The following DNAJC11 variants were observed in gnomAD, a reference collection of about 807,000 sequenced individuals.
The protein encoded by DNAJC11 is DnaJ heat shock protein family (Hsp40) member C11, also known as dnaJ homolog subfamily C member 11.
A neutral mutation model predicts 78.6 loss-of-function variants in DNAJC11; 15 were observed. The observed-to-expected ratio is 0.19, with a 90% CI of 0.13 to 0.29. The LOEUF (loss-of-function observed/expected upper bound fraction) is 0.29. Among genes scored for constraint, DNAJC11 ranks in the 10% least tolerant of loss-of-function variants. DNAJC11 has a pLI of 1.00. For synonymous variants in DNAJC11, 292 were observed against 272.1 expected, an observed-to-expected ratio of 1.07 and a Z score of -0.72; for missense variants, 547 against 709.6, an observed-to-expected ratio of 0.77 and a Z score of 2.60.
chr1:6,636,839 T>C (rs1054985273), intron 14 of DNAJC11, among the ~76,000 whole-genome samples: 3 of 152,166 alleles, frequency 2.0e-5, no homozygotes, highest in African/African-American at 4.8e-5. Context: ...GAACCTATTC[T>C]TCACACCACT....
chr1:6,666,677 T>C (rs929351891), intron 4 of DNAJC11, among the ~76,000 whole-genome samples: 1 of 152,140 alleles, frequency 6.6e-6, no homozygotes, highest in African/African-American at 2.4e-5. Flanking sequence ...GCTGGGATTA[T>C]AGGAGTGAGC....
At chr1:6,654,448 A>G (rs1223811009) in intron 4 of DNAJC11, among the ~76,000 whole-genome samples, 1 of 152,220 alleles carries the variant, frequency 6.6e-6, no homozygotes, top group East Asian at 1.9e-4. Context: ...TTATACCACA[A>G]AACTACCCTA....
intron 3 of DNAJC11, among the ~76,000 whole-genome samples, chr1:6,669,727 C>G (rs188159918): frequency 6.6e-6 from 1 of 151,760 alleles, no homozygotes; most frequent in South Asian, 2.1e-4. Context: ...AAATTGTGTG[C>G]ACCGGTGAGA....
intron 9 of DNAJC11, 64 bp downstream of exon 9, chr1:6,644,977 G>T: frequency 1.4e-6 from 2 of 1,459,910 alleles, no homozygotes; most frequent in South Asian, 1.1e-5. Context: ...ACACCAACTG[G>T]TTCCACTGTG....
intron 12 of DNAJC11, chr1:6,638,070 G>C (rs1284071986): frequency 1.1e-5 from 5 of 468,430 alleles, no homozygotes; most frequent in African/African-American, 9.9e-5. Flanking sequence ...AAGAAAAAGA[G>C]GCCAATACTC....
chr1:6,640,843 C>T (rs1011872338), intron 10 of DNAJC11, among the ~76,000 whole-genome samples: 9 of 151,978 alleles, frequency 5.9e-5, no homozygotes, highest in African/African-American at 9.7e-5. Flanking sequence ...CTCAGAAACC[C>T]GTGGAAGAGT....
intron 1 of DNAJC11, among the ~76,000 whole-genome samples, chr1:6,688,160 GA>G (rs535408015): frequency 7.9e-4 from 120 of 152,282 alleles, no homozygotes; most frequent in African/African-American, 2.7e-3. Flanking sequence ...CAGCGAAAGG[GA>G]AAAGCCATTG....
At chr1:6,669,100 T>C (rs1461744119) in intron 3 of DNAJC11, among the ~76,000 whole-genome samples, 2 of 148,626 alleles carry the variant, frequency 1.3e-5, no homozygotes, top group Non-Finnish European at 3.0e-5. Context: ...GGCAGGAAAA[T>C]TGCTTGAACC....
intron 7 of DNAJC11, among the ~76,000 whole-genome samples, chr1:6,647,506 T>C (rs1641983984): frequency 6.6e-6 from 1 of 152,104 alleles, no homozygotes; most frequent in African/African-American, 2.4e-5. Flanking sequence ...ATAACTAACC[T>C]GGCCACTATA....
intron 1 of DNAJC11, among the ~76,000 whole-genome samples, chr1:6,690,329 C>T (rs571654159): frequency 6.6e-6 from 1 of 152,296 alleles, no homozygotes; most frequent in South Asian, 2.1e-4. Context: ...GTCGCATATC[C>T]ACTGCTATGT....
rs761251027 is a variant in DNAJC11 at position 6,698,865 on chromosome 1, C to T, written c.72+2864G>A. Among the ~76,000 whole-genome samples the T allele has an allele frequency of 4.0e-5, 6 of 150,242 alleles. No individual in the cohort carries two copies. The East Asian group carries it at 1.2e-3, about 29-fold the overall frequency. On this transcript the variant is annotated intron_variant, in intron 1 of 15. Coordinates refer to ENST00000377577, the MANE Select transcript of DNAJC11 (RefSeq NM_018198.4). ...GCTGAGGTGGGAGGATCACCTGAGC[C>T]GGGGAAGGTCGAGGCTGCTATGAGC...
At chr1:6,642,258 C>T (rs539923671) in intron 10 of DNAJC11, among the ~76,000 whole-genome samples, 87 of 152,246 alleles carry the variant, frequency 5.7e-4, no homozygotes, top group African/African-American at 2.1e-3. Flanking sequence ...AGGTTTTAGG[C>T]AGAAGACAGA....
chr1:6,660,643 C>G (rs1242914925), intron 4 of DNAJC11, among the ~76,000 whole-genome samples: 1 of 152,208 alleles, frequency 6.6e-6, no homozygotes, highest in East Asian at 1.9e-4. Flanking sequence ...TTTTACCCAC[C>G]TCCAACCCAC....
At chr1:6,697,700 T>C (rs925362685) in intron 1 of DNAJC11, among the ~76,000 whole-genome samples, 1 of 152,196 alleles carries the variant, frequency 6.6e-6, no homozygotes, top group African/African-American at 2.4e-5. Context: ...TGCTCTAGAA[T>C]ACAAATTTAA....
Position 6,645,188 on chromosome 1 carries a change from T to TACCC in DNAJC11, c.895-63_895-62insGGGT. 1.5e-5 allele frequency: 19 copies of TACCC among 1,299,444 alleles called. No individual in the cohort carries two copies. The highest frequency in any genetic ancestry group is 1.8e-5 in the Non-Finnish European group (16 of 897,976). 80.5% of individuals were successfully genotyped at this position (1,299,444 alleles called of 1,614,324 possible). A position where few individuals can be genotyped will look rare whatever the true frequency, so the allele number is the denominator to read the frequency against. The stretch of plus-strand genomic sequence containing the variant: ...GCGTGTGACTCTGTGGGGAGATGGG[T>TACCC]ATCTGCCCTCCCACTAGCTCTGGGC... On this transcript the variant is annotated intron_variant, in intron 8 of 15. Coordinates refer to ENST00000377577, the MANE Select transcript of DNAJC11 (RefSeq NM_018198.4). The surrounding 1 kb of genome is among the most constrained non-coding windows in gnomAD (Gnocchi z 4.1).
chr1:6,668,016 T>C (rs1642318761), intron 3 of DNAJC11: 1 of 546,612 alleles, frequency 1.8e-6, no homozygotes, highest in South Asian at 2.7e-5. Flanking sequence ...CTCCTGGCCC[T>C]TCCCAAGGTT....
intron 3 of DNAJC11, chr1:6,670,617 G>T (rs1180907001): frequency 1.3e-5 from 2 of 152,136 alleles, no homozygotes; most frequent in East Asian, 1.9e-4. Context: ...CTAAAAAGGG[G>T]GAAGTGGTTC....
At chr1:6,662,953 G>A (rs1570286335) in intron 4 of DNAJC11, among the ~76,000 whole-genome samples, 1 of 152,098 alleles carries the variant, frequency 6.6e-6, no homozygotes, top group Non-Finnish European at 1.5e-5. Context: ...CACTCACCGC[G>A]AAGGTCCATG....
intron 3 of DNAJC11, among the ~76,000 whole-genome samples, chr1:6,669,231 C>T (rs975359836): frequency 6.6e-6 from 1 of 151,500 alleles, no homozygotes; most frequent in Non-Finnish European, 1.5e-5. Context: ...TATTCGAGGC[C>T]TAGCGCAGTG....
Sources: gnomAD v4.1 joint callset for allele counts (sites outside exome capture counted in the v4.1 genomes callset) on GRCh38, gnomAD v4.1.1 for gene constraint, Gnocchi (gnomAD v3.1) non-coding constraint, MANE v1.5 for transcripts, NCBI Gene and HGNC (gene_info 2026-07-23, HGNC 2026-07-21) for gene names.